Variants in PRKCE observed in about 807,000 individuals in gnomAD.
PRKCE encodes protein kinase C epsilon.
PRKCE carries 16 observed loss-of-function variants against 85.4 expected under a neutral mutation model. The observed-to-expected ratio is 0.19, with a 90% CI of 0.13 to 0.28. The LOEUF is 0.28. Among genes scored for constraint, PRKCE ranks in the 10% least tolerant of loss-of-function variants. PRKCE has a pLI of 1.00. For synonymous variants in PRKCE, 388 were observed against 371.5 expected, an observed-to-expected ratio of 1.04 and a Z score of -0.51; for missense variants, 573 against 975.2, an observed-to-expected ratio of 0.59 and a Z score of 5.49.
At chr2:45,936,286 A>G (rs913605122) in intron 2 of PRKCE, among the ~76,000 whole-genome samples, 2 of 151,796 alleles carry the variant, frequency 1.3e-5, no homozygotes, top group African/African-American at 2.4e-5. Context: ...CCATTTATTC[A>G]CTCAATTCTT....
chr2:45,806,765 G>A (rs1365849318), intron 1 of PRKCE, among the ~76,000 whole-genome samples: 1 of 152,200 alleles, frequency 6.6e-6, no homozygotes, highest in East Asian at 1.9e-4. Flanking sequence ...ACAGATGAGG[G>A]AGGACCCCGG....
At chr2:46,109,093 C>A (rs1672012063) in intron 11 of PRKCE, among the ~76,000 whole-genome samples, 1 of 152,110 alleles carries the variant, frequency 6.6e-6, no homozygotes, top group Non-Finnish European at 1.5e-5. Flanking sequence ...GTCTTGATTA[C>A]TATAGCTTTA....
At chr2:46,161,566 C>T (rs1044914889) in intron 14 of PRKCE, among the ~76,000 whole-genome samples, 3 of 151,910 alleles carry the variant, frequency 2.0e-5, no homozygotes, top group African/African-American at 7.3e-5. Flanking sequence ...GAGGAGCAGC[C>T]CCTTCCTGCT....
At chr2:46,156,451 G>A (rs1316489402) in intron 13 of PRKCE, among the ~76,000 whole-genome samples, 3 of 152,192 alleles carry the variant, frequency 2.0e-5, no homozygotes, top group African/African-American at 4.8e-5. Flanking sequence ...TACATGCCCC[G>A]TGAGGGCAGG....
In PRKCE at chr2:45,651,903, G is replaced by C. The variant is rs1675143198; in HGVS notation, c.-198G>C. The C allele has an allele frequency of 2.0e-6, 1 of 498,816 alleles. No homozygotes were observed. Among genetic ancestry groups the C allele is most frequent in the African/African-American group, 1.9e-5 (1 of 51,916 alleles). 30.9% of individuals were successfully genotyped at this position (498,816 alleles called of 1,614,324 possible). On this transcript the variant is annotated 5_prime_UTR_variant, in exon 1 of 15. Coordinates refer to ENST00000306156, the MANE Select transcript of PRKCE (RefSeq NM_005400.3). ...TCTCCCCCCTCCCTGTTTTCCGTTA[G>C]GAACCCGGCGAGGAAATACATGCAC... is the stretch of plus-strand genomic sequence containing the variant.
At chr2:46,143,864 T>A (rs2053796) in intron 11 of PRKCE, among the ~76,000 whole-genome samples, 62,183 of 152,232 alleles carry the variant, frequency 0.41, 13,614 homozygotes, top group African/African-American at 0.53. Flanking sequence ...CAATGCAGGC[T>A]GGTCCTAAAG....
At chr2:45,671,591 C>A (rs1025769353) in intron 1 of PRKCE, among the ~76,000 whole-genome samples, 4 of 152,304 alleles carry the variant, frequency 2.6e-5, no homozygotes, top group Non-Finnish European at 5.9e-5. Context: ...TGCCTCCCCC[C>A]ACCAGCCTTC....
At chr2:45,819,418 G>A (rs949899735) in intron 1 of PRKCE, among the ~76,000 whole-genome samples, 1 of 152,150 alleles carries the variant, frequency 6.6e-6, no homozygotes, top group Non-Finnish European at 1.5e-5. Context: ...AGAACACCAC[G>A]TTTATGAGTC....
intron 14 of PRKCE, among the ~76,000 whole-genome samples, chr2:46,174,326 C>T (rs1679209249): frequency 6.6e-6 from 1 of 152,236 alleles, no homozygotes; most frequent in Non-Finnish European, 1.5e-5. Context: ...AGTGGGTCTT[C>T]ATTTTCTTCT....
intron 11 of PRKCE, among the ~76,000 whole-genome samples, chr2:46,119,508 G>T (rs977980445): frequency 2.6e-5 from 4 of 152,064 alleles, no homozygotes; most frequent in East Asian, 1.9e-4. Flanking sequence ...TGGCCCTAAG[G>T]GCTTGTGTTT....
At chr2:46,061,298 T>C (rs1667098275) in intron 10 of PRKCE, among the ~76,000 whole-genome samples, 1 of 151,900 alleles carries the variant, frequency 6.6e-6, no homozygotes, top group African/African-American at 2.4e-5. Context: ...TTTATAGAGA[T>C]GGGGTTTTAC....
intron 1 of PRKCE, among the ~76,000 whole-genome samples, chr2:45,772,839 T>C (rs1484200436): frequency 6.6e-6 from 1 of 152,020 alleles, no homozygotes; most frequent in Non-Finnish European, 1.5e-5. Flanking sequence ...ATTCTTAGCA[T>C]GGAAAGGCAT....
At chr2:45,885,913 G>T (rs1695266219) in intron 2 of PRKCE, among the ~76,000 whole-genome samples, 1 of 152,216 alleles carries the variant, frequency 6.6e-6, no homozygotes, top group Non-Finnish European at 1.5e-5. Context: ...CCATGGAGTT[G>T]CTTTTTAACG....
At chr2:45,915,899 C>A (rs1359985050) in intron 2 of PRKCE, among the ~76,000 whole-genome samples, 1 of 152,162 alleles carries the variant, frequency 6.6e-6, no homozygotes, top group African/African-American at 2.4e-5. Context: ...TTTAAGGAAC[C>A]TGAGAGAGAA....
chr2:45,903,410 G>A (rs1334986258), intron 2 of PRKCE, among the ~76,000 whole-genome samples: 2 of 152,160 alleles, frequency 1.3e-5, no homozygotes, highest in Admixed American at 6.5e-5. Flanking sequence ...CAATGGTATG[G>A]CGTCACCATC....
chr2:45,797,226 G>C (rs552402310), intron 1 of PRKCE, among the ~76,000 whole-genome samples: 2 of 152,306 alleles, frequency 1.3e-5, no homozygotes, highest in Admixed American at 1.3e-4. Flanking sequence ...CACACAGTTG[G>C]AAGGCCACTT....
intron 1 of PRKCE, among the ~76,000 whole-genome samples, chr2:45,805,105 T>C (rs1193294816): frequency 6.6e-6 from 1 of 152,156 alleles, no homozygotes; most frequent in Non-Finnish European, 1.5e-5. Flanking sequence ...AGCTAAGTCA[T>C]AACTGTCTTC....
At chr2:45,998,824 G>A (rs892111934) in intron 6 of PRKCE, among the ~76,000 whole-genome samples, 1 of 151,994 alleles carries the variant, frequency 6.6e-6, no homozygotes, top group Non-Finnish European at 1.5e-5. Flanking sequence ...TCCTTTCTTA[G>A]CGTATCATTT....
At chr2:45,970,573 G>T (rs942579970) in intron 2 of PRKCE, among the ~76,000 whole-genome samples, 1 of 152,080 alleles carries the variant, frequency 6.6e-6, no homozygotes, top group Non-Finnish European at 1.5e-5. Context: ...GACTGTTCTA[G>T]ACTAAGATTA....
Sources: gnomAD v4.1 joint callset for allele counts (sites outside exome capture counted in the v4.1 genomes callset) on GRCh38, gnomAD v4.1.1 for gene constraint, MANE v1.5 for transcripts, NCBI Gene and HGNC (gene_info 2026-07-23, HGNC 2026-07-21) for gene names.